Variants in HGF observed in about 807,000 individuals in gnomAD.
HGF encodes the protein hepatocyte growth factor.
Under a neutral mutation model 111.6 loss-of-function variants are expected in HGF, and 39 were observed. The ratio of observed to expected loss-of-function variants is 0.35; its 90% CI spans 0.27 to 0.46. HGF has a LOEUF of 0.46. Ranked by LOEUF, HGF falls within the 20% of genes least tolerant of loss-of-function variation. The pLI is 1.00. For missense variants in HGF, 735 were observed against 910.5 expected, an observed-to-expected ratio of 0.81 and a Z score of 2.48; for synonymous variants, 285 against 294.8, an observed-to-expected ratio of 0.97 and a Z score of 0.34.
intron 7 of HGF, among the ~76,000 whole-genome samples, chr7:81,730,467 TA>T (rs1259012447): frequency 1.3e-5 from 2 of 151,982 alleles, no homozygotes; most frequent in Admixed American, 1.3e-4. Context: ...AAAAATAAAT[TA>T]AATAAATAAA....
At chr7:81,736,729 A>G (rs779452026) in intron 7 of HGF, 5 of 477,374 alleles carry the variant, frequency 1.0e-5, no homozygotes, top group Admixed American at 2.2e-5. Context: ...GAAGAAAATC[A>G]TTGTGGCTGG....
In HGF at chr7:81,706,409, T is replaced by G. The variant is rs1210973032; in HGVS notation, c.1635A>C (p.Glu545Asp). Residue 545 changes from glutamate to aspartate, a missense_variant, in exon 15 of 18, where the codon GAA becomes GAC. Glu to Asp is a conservative substitution (Grantham distance 45, BLOSUM62 2). Around this residue, in one of 3 missense-constraint regions of HGF, gnomAD observed 553 missense variants for 685.6 expected, o/e 0.81. Transcript: ENST00000222390. ...CFPSRDLKDY[E>D]AWLGIHDVHG... Reference sequence around the variant, plus strand: ...GGACATCATGAATTCCAAGCCAAGCTTCATAATCTTTCAAGTCTCTGTTTT... The same window carrying G: ...GGACATCATGAATTCCAAGCCAAGCGTCATAATCTTTCAAGTCTCTGTTTT... 6.2e-7 allele frequency: 1 copy of G among 1,612,104 alleles called. No homozygotes were observed. Among genetic ancestry groups the G allele is most frequent in the East Asian group, 2.2e-5 (1 of 44,844 alleles).
At chr7:81,746,438 C>A (rs1459641110) in intron 5 of HGF, among the ~76,000 whole-genome samples, 1 of 152,166 alleles carries the variant, frequency 6.6e-6, no homozygotes, top group Non-Finnish European at 1.5e-5. Flanking sequence ...TACATTTCAG[C>A]TTTCCATTTG....
chr7:81,751,056 G>A (rs368689212), intron 5 of HGF: 2 of 984,558 alleles, frequency 2.0e-6, no homozygotes, highest in Non-Finnish European at 1.2e-6. Context: ...ACTAACAACA[G>A]AAAACAAATC....
chr7:81,728,463 C>T (rs567376796), intron 8 of HGF, among the ~76,000 whole-genome samples: 1 of 152,308 alleles, frequency 6.6e-6, no homozygotes, highest in South Asian at 2.1e-4. Context: ...GACACTATCT[C>T]CTTTGTCCCT....
intron 7 of HGF, 66 bp from the exon 8 acceptor site, chr7:81,729,845 T>G (rs1787587417): frequency 4.1e-6 from 6 of 1,474,736 alleles, no homozygotes; most frequent in Non-Finnish European, 5.6e-6. Context: ...ATTTGCCTCT[T>G]AGAGTTCATT....
chr7:81,751,858 C>T (rs1300531857), intron 5 of HGF: 2 of 1,300,760 alleles, frequency 1.5e-6, no homozygotes, highest in Non-Finnish European at 2.0e-6. Context: ...AGTAAACCCT[C>T]TCTTTCACTT....
Position 81,702,631 on chromosome 7 carries a change from C to T in HGF, c.2137G>A (p.Ala713Thr). 5.0e-6 allele frequency: 8 copies of T among 1,611,298 alleles called. No homozygotes were observed. The highest frequency in any genetic ancestry group is 6.8e-6 in the Non-Finnish European group (8 of 1,178,136). ...PGIFVRVAYYAKWIHKIILTY... is the reference protein window; with the variant it reads ...PGIFVRVAYYTKWIHKIILTY... ...AAAATAATTTTGTGTATCCATTTTG[C>T]ATAATATGCTACTCGGACAAAAATA... Residue 713 changes from alanine to threonine, a missense_variant, in exon 18 of 18, where the codon GCA becomes ACA. By Grantham distance (58) the Ala-to-Thr change is moderately conservative. Transcript: ENST00000222390.
At chr7:81,717,849 TTAAA>T (rs1789755072) in intron 10 of HGF, among the ~76,000 whole-genome samples, 1 of 152,192 alleles carries the variant, frequency 6.6e-6, no homozygotes, top group South Asian at 2.1e-4. Flanking sequence ...AATGTGTTAA[TTAAA>T]TAATTAAAAT....
chr7:81,736,612 A>G (rs547373811), intron 7 of HGF: 3 of 414,876 alleles, frequency 7.2e-6, no homozygotes, highest in African/African-American at 4.1e-5. Flanking sequence ...TGAAATGTGA[A>G]TGAGTAGCTG....
intron 13 of HGF, among the ~76,000 whole-genome samples, chr7:81,707,685 G>A (rs1371846878): frequency 1.3e-5 from 2 of 152,092 alleles, no homozygotes; most frequent in African/African-American, 4.8e-5. Context: ...TGTGAGGAAC[G>A]TATGTGCTAC....
At chr7:81,734,583 C>T (rs1787764768) in intron 7 of HGF, among the ~76,000 whole-genome samples, 1 of 151,992 alleles carries the variant, frequency 6.6e-6, no homozygotes, top group Admixed American at 6.6e-5. Context: ...ATTCTTGGTA[C>T]AACCATCTTG....
At chr7:81,712,352 C>T (rs1789594593) in intron 11 of HGF, among the ~76,000 whole-genome samples, 1 of 152,082 alleles carries the variant, frequency 6.6e-6, no homozygotes, top group African/African-American at 2.4e-5. Flanking sequence ...CTTCATAAAT[C>T]TCTGCAAGGA....
chr7:81,752,096 C>G (rs1396266882), intron 5 of HGF, 24 bp downstream of exon 5: 2 of 1,613,074 alleles, frequency 1.2e-6, no homozygotes, highest in Non-Finnish European at 1.7e-6. Context: ...TAGAATGGCC[C>G]ACATGGCATT....
At chr7:81,733,418 A>T (rs2115951682) in intron 7 of HGF, among the ~76,000 whole-genome samples, 1 of 152,048 alleles carries the variant, frequency 6.6e-6, no homozygotes, top group South Asian at 2.1e-4. Flanking sequence ...AATATCCATA[A>T]CTTTAAAATG....
chr7:81,730,471 T>C (rs1229882639), intron 7 of HGF, among the ~76,000 whole-genome samples: 1 of 152,014 alleles, frequency 6.6e-6, no homozygotes, highest in Non-Finnish European at 1.5e-5. Flanking sequence ...ATAAATTAAA[T>C]AAATAAATAA....
intron 7 of HGF, among the ~76,000 whole-genome samples, chr7:81,732,084 T>G (rs1031041728): frequency 6.6e-6 from 1 of 152,200 alleles, no homozygotes; most frequent in African/African-American, 2.4e-5. Context: ...AGCACTACTC[T>G]TATGCTGTGC....
intron 1 of HGF, among the ~76,000 whole-genome samples, chr7:81,767,641 A>G (rs1789431490): frequency 6.6e-6 from 1 of 152,238 alleles, no homozygotes; most frequent in African/African-American, 2.4e-5. Context: ...TAACTCCTAC[A>G]AAGATGGCGG....
chr7:81,744,744 ACT>A (rs766178369), intron 6 of HGF, among the ~76,000 whole-genome samples: 3 of 151,938 alleles, frequency 2.0e-5, no homozygotes, highest in Non-Finnish European at 4.4e-5. Flanking sequence ...GATTTTAGAA[ACT>A]CTGACCAGTT....
Sources: gnomAD v4.1 joint callset for allele counts (sites outside exome capture counted in the v4.1 genomes callset) on GRCh38, gnomAD v4.1.1 for gene constraint, gnomAD v4.1.1 regional missense constraint, MANE v1.5 for transcripts, NCBI Gene and HGNC (gene_info 2026-07-23, HGNC 2026-07-21) for gene names.